The following FYB2 variants were observed in gnomAD, a reference collection of about 807,000 sequenced individuals.
The protein encoded by FYB2 is FYN-binding protein 2.
In FYB2, 103 loss-of-function variants were observed where a neutral mutation model predicts 94.1. That is an observed-to-expected ratio of 1.09 (90% CI 0.93 to 1.29). The LOEUF (loss-of-function observed/expected upper bound fraction) is 1.29. Ranked by LOEUF, FYB2 falls within the 50% of genes most tolerant of loss-of-function variation. The pLI is 0.00. For missense variants in FYB2, 896 were observed against 841.5 expected, an observed-to-expected ratio of 1.06 and a Z score of -0.80; for synonymous variants, 293 against 287.9, an observed-to-expected ratio of 1.02 and a Z score of -0.18.
chr1:56,744,587 T>C (rs1645029021), intron 9 of FYB2, among the ~76,000 whole-genome samples: 2 of 152,018 alleles, frequency 1.3e-5, no homozygotes, highest in Non-Finnish European at 1.5e-5. Flanking sequence ...CTTTAATCCC[T>C]GACCTCAAAC....
At chr1:56,809,973 A>G (rs1010941750) in intron 1 of FYB2, among the ~76,000 whole-genome samples, 1 of 152,064 alleles carries the variant, frequency 6.6e-6, no homozygotes, top group African/African-American at 2.4e-5. Context: ...AACCCACGAT[A>G]ATGATATTTT....
At chr1:56,743,893 A>G (rs1645012093) in intron 11 of FYB2, 133 bp downstream of exon 11, 2 of 904,894 alleles carry the variant, frequency 2.2e-6, no homozygotes, top group South Asian at 1.7e-5. Context: ...ATATCTTGGT[A>G]TTGCTTCTCT....
At chr1:56,752,819 G>A (rs1645231764) in intron 8 of FYB2, among the ~76,000 whole-genome samples, 1 of 152,068 alleles carries the variant, frequency 6.6e-6, no homozygotes, top group African/African-American at 2.4e-5. Context: ...TTGAAAAAGA[G>A]CAGAGCTTGT....
chr1:56,804,244 C>T (rs1646586950), intron 1 of FYB2, among the ~76,000 whole-genome samples: 1 of 152,184 alleles, frequency 6.6e-6, no homozygotes, highest in Non-Finnish European at 1.5e-5. Flanking sequence ...TACATGCTCA[C>T]CTTTGTGGAG....
intron 15 of FYB2, among the ~76,000 whole-genome samples, chr1:56,736,005 T>C (rs1168527363): frequency 6.6e-6 from 1 of 152,140 alleles, no homozygotes; most frequent in African/African-American, 2.4e-5. Flanking sequence ...ATGATGAATA[T>C]GCTAATTACC....
Position 56,763,094 on chromosome 1 carries a change from CAAATG to C in FYB2, c.1064-4349_1064-4345del, listed in dbSNP as rs375694816. On this transcript the variant is annotated intron_variant, in intron 5 of 19. Transcript: ENST00000343433. ...TCTCTGCACCCTTATATACCACAACCAAATGAAGAATAAATCACACTTGATCATAA... is the reference window on the plus strand; with the variant it reads ...TCTCTGCACCCTTATATACCACAACCAAGAATAAATCACACTTGATCATAA... Among the ~76,000 whole-genome samples the C allele has an allele frequency of 3.3e-4, 51 of 152,256 alleles. 2 individuals carry two copies. In the South Asian group the frequency reaches 0.011, roughly 32 times the overall value.
intron 1 of FYB2, among the ~76,000 whole-genome samples, chr1:56,795,106 C>T (rs1377296420): frequency 6.6e-6 from 1 of 151,678 alleles, no homozygotes; most frequent in African/African-American, 2.4e-5. Context: ...ATCTCCAGAA[C>T]TCTTTTCATC....
At chr1:56,765,502 TC>T in intron 5 of FYB2, among the ~76,000 whole-genome samples, 1 of 152,302 alleles carries the variant, frequency 6.6e-6, no homozygotes, top group South Asian at 2.1e-4. Context: ...ATGTCCAAGC[TC>T]CCCATTCAGC....
At chr1:56,759,908 C>T (rs963694617) in intron 5 of FYB2, among the ~76,000 whole-genome samples, 2 of 152,048 alleles carry the variant, frequency 1.3e-5, no homozygotes, top group African/African-American at 2.4e-5. Context: ...GAGTGAAACA[C>T]TATCTCCACT....
At chr1:56,787,275 T>A in intron 3 of FYB2, 67 bp from the exon 4 acceptor site, 1 of 1,569,436 alleles carries the variant, frequency 6.4e-7, no homozygotes, top group Non-Finnish European at 8.8e-7. Flanking sequence ...GAATGATGCT[T>A]GTGTGATGAC....
At chr1:56,784,254 G>T (rs1014504318) in intron 4 of FYB2, among the ~76,000 whole-genome samples, 9 of 151,546 alleles carry the variant, frequency 5.9e-5, no homozygotes, top group African/African-American at 2.2e-4. Flanking sequence ...TTTAAGGTTT[G>T]CAGAAGCTAA....
intron 16 of FYB2, among the ~76,000 whole-genome samples, chr1:56,725,137 A>T (rs966240295): frequency 6.6e-6 from 1 of 152,080 alleles, no homozygotes; most frequent in African/African-American, 2.4e-5. Context: ...CTTCTTGTAC[A>T]GTCTACAGAA....
the FYB2 span, among the ~76,000 whole-genome samples, chr1:56,825,433 A>T: frequency 2.0e-5 from 3 of 152,154 alleles, no homozygotes; most frequent in Non-Finnish European, 2.9e-5. Context: ...TTCCACCTGC[A>T]TCCTGCCCAT....
chr1:56,770,306 C>T (rs1412114741), intron 4 of FYB2, among the ~76,000 whole-genome samples: 3 of 152,118 alleles, frequency 2.0e-5, no homozygotes, highest in African/African-American at 7.2e-5. Flanking sequence ...CTTCCCTGTA[C>T]CTACCTCCAC....
chr1:56,824,569 G>A (rs1341663292), upstream of FYB2: 1 of 152,212 alleles, frequency 6.6e-6, no homozygotes, highest in African/African-American at 2.4e-5. Flanking sequence ...GGGAGGCATA[G>A]CTTCTCTCTC....
At chr1:56,728,640 A>G (rs1445350230) in intron 15 of FYB2, among the ~76,000 whole-genome samples, 1 of 152,162 alleles carries the variant, frequency 6.6e-6, no homozygotes, top group Non-Finnish European at 1.5e-5. Context: ...AACATGGCAA[A>G]GTGTGTTACA....
intron 1 of FYB2, among the ~76,000 whole-genome samples, chr1:56,814,882 A>G (rs1646846432): frequency 6.6e-6 from 1 of 152,172 alleles, no homozygotes; most frequent in Non-Finnish European, 1.5e-5. Flanking sequence ...ATGGGGTTTC[A>G]CAGACATTTA....
intron 1 of FYB2, among the ~76,000 whole-genome samples, chr1:56,796,226 T>C (rs1335637151): frequency 1.3e-5 from 2 of 152,170 alleles, no homozygotes; most frequent in African/African-American, 4.8e-5. Context: ...TTCCTTACAA[T>C]TGATGGGAAA....
intron 4 of FYB2, among the ~76,000 whole-genome samples, chr1:56,776,275 A>G (rs1372348727): frequency 6.6e-6 from 1 of 152,148 alleles, no homozygotes; most frequent in Non-Finnish European, 1.5e-5. Context: ...TTTATATATT[A>G]GTTATTTATA....
Sources: allele counts gnomAD v4.1 joint callset (sites outside exome capture counted in the v4.1 genomes callset), GRCh38; gene constraint gnomAD v4.1.1; transcripts MANE v1.5; gene names NCBI Gene and HGNC (gene_info 2026-07-23, HGNC 2026-07-21).